Variants in NBEA observed in about 807,000 individuals in gnomAD.
NBEA encodes neurobeachin.
A neutral mutation model predicts 343.4 loss-of-function variants in NBEA; 44 were observed. That is an observed-to-expected ratio of 0.13 (90% CI 0.10 to 0.16). NBEA has a LOEUF of 0.16. NBEA is among the 10% of genes least tolerant of loss of function. The pLI, the probability that NBEA is intolerant of heterozygous loss-of-function variation, is 1.00. For synonymous variants in NBEA, 1,175 were observed against 1,238.7 expected, an observed-to-expected ratio of 0.95 and a Z score of 1.08; for missense variants, 2,555 against 3,631.3, an observed-to-expected ratio of 0.70 and a Z score of 7.62.
chr13:35,257,174 A>T (rs570363779), intron 34 of NBEA, among the ~76,000 whole-genome samples: 1 of 152,394 alleles, frequency 6.6e-6, no homozygotes, highest in East Asian at 1.9e-4. Context: ...AATCTGTTAA[A>T]GAGCATGGCA....
intron 33 of NBEA, among the ~76,000 whole-genome samples, chr13:35,230,292 T>G (rs966382589): frequency 1.3e-5 from 2 of 152,118 alleles, no homozygotes; most frequent in African/African-American, 4.8e-5. Flanking sequence ...AGTAACAGTA[T>G]TTTTGTAATT....
chr13:35,132,189 A>T (rs1026439876), intron 17 of NBEA, among the ~76,000 whole-genome samples: 1 of 151,966 alleles, frequency 6.6e-6, no homozygotes, highest in Non-Finnish European at 1.5e-5. Context: ...ATGGAGTCTC[A>T]CTCTATTACC....
At chr13:34,976,015 G>C (rs1159950483) in intron 1 of NBEA, among the ~76,000 whole-genome samples, 1 of 152,010 alleles carries the variant, frequency 6.6e-6, no homozygotes, top group African/African-American at 2.4e-5. Context: ...ACAGTGTCGA[G>C]ATTCCTTAGA....
chr13:35,278,041 C>A (rs185236654), intron 34 of NBEA, among the ~76,000 whole-genome samples: 71 of 150,830 alleles, frequency 4.7e-4, no homozygotes, highest in African/African-American at 1.6e-3. Flanking sequence ...GAGCCAAGAT[C>A]GCACCACTGC....
chr13:35,460,711 C>T (rs1030823939), intron 40 of NBEA, among the ~76,000 whole-genome samples: 2 of 152,146 alleles, frequency 1.3e-5, no homozygotes, highest in South Asian at 2.1e-4. Flanking sequence ...GATAACCAAA[C>T]TGTGTAAATT....
intron 38 of NBEA, among the ~76,000 whole-genome samples, chr13:35,391,972 T>C (rs1222045803): frequency 6.6e-6 from 1 of 152,126 alleles, no homozygotes; most frequent in Non-Finnish European, 1.5e-5. Flanking sequence ...GCTACTTTCA[T>C]TAATATGAGT....
intron 1 of NBEA, among the ~76,000 whole-genome samples, chr13:35,004,488 A>G (rs995598872): frequency 6.6e-6 from 1 of 152,202 alleles, no homozygotes; most frequent in South Asian, 2.1e-4. Flanking sequence ...GCACTGGACA[A>G]CTAGACTCTG....
intron 18 of NBEA, among the ~76,000 whole-genome samples, chr13:35,154,371 A>G (rs746679207): frequency 3.3e-5 from 5 of 152,178 alleles, no homozygotes; most frequent in African/African-American, 1.2e-4. Context: ...GTGGTTTTGC[A>G]GCAGTTTTTG....
intron 10 of NBEA, among the ~76,000 whole-genome samples, chr13:35,081,205 C>G (rs1337167320): frequency 6.6e-6 from 1 of 152,090 alleles, no homozygotes; most frequent in Admixed American, 6.6e-5. Context: ...TATATCTCAT[C>G]AGGGTTATGA....
intron 38 of NBEA, among the ~76,000 whole-genome samples, chr13:35,399,877 G>C (rs1220141171): frequency 1.3e-5 from 2 of 151,974 alleles, no homozygotes; most frequent in African/African-American, 2.4e-5. Flanking sequence ...TGTCAGTACT[G>C]TTGTGTCTCA....
At chr13:35,336,083 A>G (rs1012247313) in intron 36 of NBEA, among the ~76,000 whole-genome samples, 1 of 152,146 alleles carries the variant, frequency 6.6e-6, no homozygotes, top group Non-Finnish European at 1.5e-5. Flanking sequence ...CTATTCAATT[A>G]TTAGCTGACC....
At chr13:35,385,567 G>A (rs995140440) in intron 38 of NBEA, among the ~76,000 whole-genome samples, 26 of 152,032 alleles carry the variant, frequency 1.7e-4, no homozygotes, top group African/African-American at 6.0e-4. Flanking sequence ...GTCAGGTGTG[G>A]TGGTGTGTTC....
rs143778501 is a variant in NBEA, at chr13:35,175,590, A to G, written c.4555-1406A>G. On this transcript the variant is annotated intron_variant, in intron 27 of 58. Transcript: ENST00000379939. ...GCCCAGTGGGAAGGAAATTGGTAGT[A>G]ACTTACTTGAGCTAATCAGTATTTA... 6.2e-4 allele frequency among the ~76,000 whole-genome samples: 94 copies of G among 152,318 alleles called. 1 individual carries two copies. Among genetic ancestry groups the G allele is most frequent in the African/African-American group, 2.1e-3 (86 of 41,580 alleles).
At chr13:35,394,085 G>A (rs1279980498) in intron 38 of NBEA, among the ~76,000 whole-genome samples, 1 of 152,082 alleles carries the variant, frequency 6.6e-6, no homozygotes, top group African/African-American at 2.4e-5. Flanking sequence ...GATGTACTAA[G>A]TGTGGGAAAA....
At chr13:35,650,908 TA>T (rs1593472254) in intron 52 of NBEA, among the ~76,000 whole-genome samples, 1 of 152,162 alleles carries the variant, frequency 6.6e-6, no homozygotes, top group Non-Finnish European at 1.5e-5. Context: ...TACATTGCTC[TA>T]AAAAATACAG....
chr13:34,990,048 G>A (rs1202653124), intron 1 of NBEA, among the ~76,000 whole-genome samples: 3 of 151,074 alleles, frequency 2.0e-5, no homozygotes, highest in South Asian at 2.1e-4. Flanking sequence ...CTCCCAAGAC[G>A]TTGGGCATTT....
At chr13:35,461,500 G>A (rs1330230404) in intron 40 of NBEA, among the ~76,000 whole-genome samples, 1 of 152,162 alleles carries the variant, frequency 6.6e-6, no homozygotes, top group African/African-American at 2.4e-5. Context: ...AGCTTTCATG[G>A]TTGTTTTTAA....
intron 30 of NBEA, among the ~76,000 whole-genome samples, chr13:35,190,934 A>T (rs2072141554): frequency 6.6e-6 from 1 of 152,174 alleles, no homozygotes; most frequent in African/African-American, 2.4e-5. Context: ...GAGGATACCA[A>T]TAAAGATATA....
At chr13:35,093,024 G>A (rs372641338) in intron 10 of NBEA, among the ~76,000 whole-genome samples, 1 of 152,044 alleles carries the variant, frequency 6.6e-6, no homozygotes, top group Non-Finnish European at 1.5e-5. Flanking sequence ...CTCGATGTAT[G>A]TACTTACTTG....
Sources: allele counts gnomAD v4.1 joint callset (sites outside exome capture counted in the v4.1 genomes callset), GRCh38; gene constraint gnomAD v4.1.1; transcripts MANE v1.5; gene names NCBI Gene and HGNC (gene_info 2026-07-23, HGNC 2026-07-21).